The following CAMKK1 variants were observed in gnomAD, a reference collection of about 807,000 sequenced individuals.
CAMKK1 encodes the protein calcium/calmodulin-dependent protein kinase kinase 1.
A neutral mutation model predicts 63.5 loss-of-function variants in CAMKK1; 20 were observed. That is an observed-to-expected ratio of 0.32 (90% CI 0.22 to 0.46). CAMKK1 has a LOEUF of 0.46. CAMKK1 is among the 20% of genes least tolerant of loss of function. CAMKK1 has a pLI of 1.00. For synonymous variants in CAMKK1, 253 were observed against 269.0 expected, an observed-to-expected ratio of 0.94 and a Z score of 0.58; for missense variants, 588 against 658.1, an observed-to-expected ratio of 0.89 and a Z score of 1.17.
chr17:3,875,156 A>G (rs114942732), intron 10 of CAMKK1, among the ~76,000 whole-genome samples: 2,599 of 152,260 alleles, frequency 0.017, 69 homozygotes, highest in African/African-American at 0.057. Context: ...AGCCAGTGGG[A>G]CAAAATGTCA....
intron 1 of CAMKK1, among the ~76,000 whole-genome samples, chr17:3,891,765 T>C (rs1395871641): frequency 6.6e-6 from 1 of 152,132 alleles, no homozygotes; most frequent in Non-Finnish European, 1.5e-5. Context: ...GATGGAAGTT[T>C]GCACTGTGCA....
rs1457246708 is a variant in CAMKK1, at chr17:3,884,854, C to T, written c.361-427G>A. ...AGCCTGGGTTCAGGCACAGAAAGCT[C>T]AGCCCCTGACATCTGTAGACTGCTT... On this transcript the variant is annotated intron_variant, in intron 2 of 15. Transcript: ENST00000348335. The surrounding 1 kb of genome is among the most constrained non-coding windows in gnomAD (Gnocchi z 4.5). Among the ~76,000 whole-genome samples the T allele has an allele frequency of 6.6e-6, 1 of 152,320 alleles. No homozygotes were observed. Among genetic ancestry groups the T allele is most frequent in the East Asian group, 1.9e-4 (1 of 5,176 alleles).
At chr17:3,876,131 C>G in intron 10 of CAMKK1, 92 bp downstream of exon 10, 2 of 1,224,670 alleles carry the variant, frequency 1.6e-6, no homozygotes, top group Non-Finnish European at 2.3e-6. Context: ...GACACAAAGA[C>G]CCTGGCACCC....
At position 3,869,470 on chromosome 17, in the gene CAMKK1, T is replaced by C; in HGVS notation, c.1341+17A>G. On this transcript the variant is annotated intron_variant, in intron 14 of 15. Coordinates refer to ENST00000348335, the MANE Select transcript of CAMKK1 (RefSeq NM_032294.3). ...AGGCCCTCCAGGACAAGGGAGCATC[T>C]ACCCCGGCTCTCTTACCACCGTGGT... is the stretch of plus-strand genomic sequence containing the variant. The C allele has an allele frequency of 6.2e-7, 1 of 1,614,028 alleles. No individual in the cohort carries two copies. The highest frequency in any genetic ancestry group is 1.1e-5 in the South Asian group (1 of 91,082).
chr17:3,864,806 C>T (rs1420074242), intron 15 of CAMKK1, among the ~76,000 whole-genome samples: 1 of 152,202 alleles, frequency 6.6e-6, no homozygotes, highest in African/African-American at 2.4e-5. Flanking sequence ...TGCAAGCCAC[C>T]TCCAGCAGGG....
rs780983431 is a variant in CAMKK1 at position 3,887,310 on chromosome 17, G to A, written c.-43-1580C>T. On this transcript the variant is annotated intron_variant, in intron 1 of 15. Coordinates refer to ENST00000348335, the MANE Select transcript of CAMKK1 (RefSeq NM_032294.3). The surrounding 1 kb of genome is among the most constrained non-coding windows in gnomAD (Gnocchi z 6.1). ...GGTCCAGACCCCCTGTGCCCGGTAC[G>A]CAGTGTGTTGAATGAGTAGAAGCCT... 2.6e-5 allele frequency among the ~76,000 whole-genome samples: 4 copies of A among 152,202 alleles called. No homozygotes were observed. Among genetic ancestry groups the A allele is most frequent in the Admixed American group, 6.5e-5 (1 of 15,284 alleles).
chr17:3,869,978 G>C (rs2054768472), intron 12 of CAMKK1, 90 bp from the exon 13 acceptor site: 1 of 1,067,730 alleles, frequency 9.4e-7, no homozygotes, highest in Admixed American at 1.8e-5. Context: ...TCGTCCCTCG[G>C]ATGGGAAGAC....
At chr17:3,873,613 G>A in intron 10 of CAMKK1, 151 bp from the exon 11 acceptor site, 3 of 767,178 alleles carry the variant, frequency 3.9e-6, no homozygotes, top group Non-Finnish European at 6.5e-6. Context: ...GCCCGATGCT[G>A]GGCCCCGTGC....
At position 3,869,582 on chromosome 17, in the gene CAMKK1, G is replaced by A; in HGVS notation, c.1246C>T (p.Pro416Ser). The change falls in exon 14 of 16, where the codon CCC (proline) becomes TCC (serine). Residue 416 changes from proline to serine, a missense_variant. Around this residue, in one of 3 missense-constraint regions of CAMKK1, gnomAD observed 226 missense variants for 229.2 expected, o/e 0.99. Transcript: ENST00000348335. ...CAGTGCTCCTCCTCCGAAGGAAGGG[G>A]CTCCTCCCCGTTCTTGGTCACCCAA... ...HPWVTKNGEE[P>S]LPSEEEHCSV... 1 of 1,614,224 alleles carries A rather than the reference G, an allele frequency of 6.2e-7. No homozygotes were observed. Among genetic ancestry groups the A allele is most frequent in the Non-Finnish European group, 8.5e-7 (1 of 1,180,050 alleles).
Position 3,887,134 on chromosome 17 carries a change from T to TCCAGTCC in CAMKK1, c.-43-1411_-43-1405dup, listed in dbSNP as rs1490077025. ...GGCCACTGAGGAGCCAGGACTGGGTTCCAGTCCTGCCTGCTGACCCACCAG... is the reference window on the plus strand; with the variant it reads ...GGCCACTGAGGAGCCAGGACTGGGTTCCAGTCCCCAGTCCTGCCTGCTGACCCACCAG... On this transcript the variant is annotated intron_variant, in intron 1 of 15. Coordinates refer to ENST00000348335, the MANE Select transcript of CAMKK1 (RefSeq NM_032294.3). This position sits in a 1 kb window ranked among gnomAD's most constrained non-coding sequence, Gnocchi z 6.1. Among the ~76,000 whole-genome samples the TCCAGTCC allele has an allele frequency of 6.6e-5, 10 of 152,032 alleles. No individual in the cohort carries two copies. Among genetic ancestry groups the TCCAGTCC allele is most frequent in the Non-Finnish European group, 1.5e-4 (10 of 67,996 alleles).
At position 3,885,733 on chromosome 17, in the gene CAMKK1, G is replaced by C; in HGVS notation, c.-43-3C>G. 2 of 1,600,890 alleles carry C rather than the reference G, an allele frequency of 1.2e-6. No homozygotes were observed. The highest frequency in any genetic ancestry group is 1.7e-6 in the Non-Finnish European group (2 of 1,176,956). ...TTCTGCGTAGCCTTGTTGGGAACCT[G>C]AGAAAAGAAGGCAGAGAAGGCTTCA... is the stretch of plus-strand genomic sequence containing the variant. On this transcript the variant is annotated splice_region_variant and splice_polypyrimidine_tract_variant and intron_variant, in intron 1 of 15. Transcript: ENST00000348335.
In CAMKK1 at chr17:3,882,195, G is replaced by C. The variant is rs535016565; in HGVS notation, c.685+333C>G. 6.5e-4 allele frequency: 785 copies of C among 1,206,464 alleles called. 3 individuals carry two copies. Among genetic ancestry groups the C allele is most frequent in the Non-Finnish European group, 9.0e-4 (757 of 839,030 alleles). 74.7% of individuals were successfully genotyped at this position (1,206,464 alleles called of 1,614,324 possible). A position where few individuals can be genotyped will look rare whatever the true frequency, so the allele number is the denominator to read the frequency against. On this transcript the variant is annotated intron_variant, in intron 7 of 15. Transcript: ENST00000348335. The surrounding 1 kb of genome is among the most constrained non-coding windows in gnomAD (Gnocchi z 4.3). The stretch of plus-strand genomic sequence containing the variant: ...CACTAGTATCCCTGTTTTATAGGTG[G>C]GAAAACTGAGGCACAGAGCTACAGT...
In CAMKK1 at chr17:3,882,266, CA is replaced by C. The variant is rs780927133; in HGVS notation, c.685+261del. On this transcript the variant is annotated intron_variant, in intron 7 of 15. Transcript: ENST00000348335. This position sits in a 1 kb window ranked among gnomAD's most constrained non-coding sequence, Gnocchi z 4.3. ...TGCTTCCTGCATCTACCTGAGCGCG[CA>C]GCCCACGTGGATCCACTGTCTTGCT... 2 of 1,612,588 alleles carry C rather than the reference CA, an allele frequency of 1.2e-6. No individual in the cohort carries two copies.
At position 3,882,040 on chromosome 17, in the gene CAMKK1, C is replaced by A; in HGVS notation, c.686-392G>T. On this transcript the variant is annotated intron_variant, in intron 7 of 15. Transcript: ENST00000348335. This position sits in a 1 kb window ranked among gnomAD's most constrained non-coding sequence, Gnocchi z 4.3. ...CTTCTGCCCCATTTTCTGAGGCCTC[C>A]TCTAAGCCCAGCCCTGAACCAGACA... 1.8e-6 allele frequency: 1 copy of A among 543,044 alleles called. No individual in the cohort carries two copies. Among genetic ancestry groups the A allele is most frequent in the South Asian group, 2.6e-5 (1 of 38,534 alleles). 33.6% of individuals were successfully genotyped at this position (543,044 alleles called of 1,614,324 possible). A position where few individuals can be genotyped will look rare whatever the true frequency, so the allele number is the denominator to read the frequency against.
intron 12 of CAMKK1, among the ~76,000 whole-genome samples, chr17:3,870,557 G>A (rs1455345011): frequency 6.6e-6 from 1 of 152,078 alleles, no homozygotes; most frequent in Non-Finnish European, 1.5e-5. Context: ...AGTAGAGACG[G>A]GGTTTCACCG....
At position 3,883,272 on chromosome 17, in the gene CAMKK1, G is replaced by A; in HGVS notation, c.515-97C>T. The A allele has an allele frequency of 1.3e-6, 2 of 1,550,604 alleles. No homozygotes were observed. The highest frequency in any genetic ancestry group is 2.3e-5 in the South Asian group (2 of 88,514). Reference sequence around the variant, plus strand: ...CAAGCAAGAGTCTTGCATGCCCGTGGTCTTGTCCCAACCCACAGGGCACAT... The same window carrying A: ...CAAGCAAGAGTCTTGCATGCCCGTGATCTTGTCCCAACCCACAGGGCACAT... On this transcript the variant is annotated intron_variant, in intron 5 of 15. Transcript: ENST00000348335. This position sits in a 1 kb window ranked among gnomAD's most constrained non-coding sequence, Gnocchi z 4.7.
Position 3,887,001 on chromosome 17 carries a change from GTC to G in CAMKK1, c.-43-1273_-43-1272del. Among the ~76,000 whole-genome samples the G allele has an allele frequency of 6.6e-6, 1 of 152,242 alleles. No homozygotes were observed. The highest frequency in any genetic ancestry group is 2.1e-4 in the South Asian group (1 of 4,822). ...ACCCACACAGCAACTGAGAACATGGGTCTCAGGGAGACCCAGAGTACGCATGG... is the reference window on the plus strand; with the variant it reads ...ACCCACACAGCAACTGAGAACATGGGTCAGGGAGACCCAGAGTACGCATGG... On this transcript the variant is annotated intron_variant, in intron 1 of 15. Coordinates refer to ENST00000348335, the MANE Select transcript of CAMKK1 (RefSeq NM_032294.3). The surrounding 1 kb of genome is among the most constrained non-coding windows in gnomAD (Gnocchi z 6.1).
chr17:3,890,356 C>T lies in CAMKK1; in HGVS notation c.-44+2583G>A, dbSNP rs1008610112. Among the ~76,000 whole-genome samples, 1 of 152,160 alleles carries T rather than the reference C, an allele frequency of 6.6e-6. No individual in the cohort carries two copies. The highest frequency in any genetic ancestry group is 6.5e-5 in the Admixed American group (1 of 15,284). On this transcript the variant is annotated intron_variant, in intron 1 of 15. Transcript: ENST00000348335. This position sits in a 1 kb window ranked among gnomAD's most constrained non-coding sequence, Gnocchi z 6.5. ...TGTTGCCTGACTCAGCACAGCTACC[C>T]CCAGCGCATCGTCCTGGCCCACCCA... is the stretch of plus-strand genomic sequence containing the variant.
chr17:3,890,692 C>T lies in CAMKK1; in HGVS notation c.-44+2247G>A, dbSNP rs760950143. ...CTTGCTCCCCACAACCCCACACTTACTCTCCACTGCAGCCACACCACAGCT... is the reference window on the plus strand; with the variant it reads ...CTTGCTCCCCACAACCCCACACTTATTCTCCACTGCAGCCACACCACAGCT... On this transcript the variant is annotated intron_variant, in intron 1 of 15. Coordinates refer to ENST00000348335, the MANE Select transcript of CAMKK1 (RefSeq NM_032294.3). This position sits in a 1 kb window ranked among gnomAD's most constrained non-coding sequence, Gnocchi z 6.5. The T allele has an allele frequency of 9.0e-6, 7 of 779,802 alleles. No homozygotes were observed. The highest frequency in any genetic ancestry group is 4.8e-5 in the East Asian group (2 of 41,250). The allele number at this position is 779,802 out of a possible 1,614,324, so 48.3% of individuals were successfully genotyped here.
Sources: gnomAD v4.1 joint callset for allele counts (sites outside exome capture counted in the v4.1 genomes callset) on GRCh38, gnomAD v4.1.1 for gene constraint, gnomAD v4.1.1 regional missense constraint, Gnocchi (gnomAD v3.1) non-coding constraint, MANE v1.5 for transcripts, NCBI Gene and HGNC (gene_info 2026-07-23, HGNC 2026-07-21) for gene names.